GRID2: variants seen among roughly 807,000 people sequenced by gnomAD.
GRID2 encodes glutamate ionotropic receptor delta type subunit 2.
In GRID2, 33 loss-of-function variants were observed where a neutral mutation model predicts 114.8. The observed-to-expected ratio is 0.29, with a 90% confidence interval of 0.22 to 0.38. The LOEUF (loss-of-function observed/expected upper bound fraction) is 0.38. Ranked by LOEUF, GRID2 falls within the 10% of genes least tolerant of loss-of-function variation. The probability of loss-of-function intolerance (pLI) is 1.00; values close to 1 mark genes in which losing one functional copy is unlikely to be tolerated. For synonymous variants in GRID2, 505 were observed against 449.9 expected (o/e 1.12, Z -1.55); for missense variants, 1,184 against 1,257.7 (o/e 0.94, Z 0.89).
intron 13 of GRID2, among the ~76,000 whole-genome samples, chr4:93,607,836 G>C (rs1740414915): frequency 6.6e-6 from 1 of 151,966 alleles, no homozygotes; most frequent in Non-Finnish European, 1.5e-5. Context: ...TGCCTCTTCA[G>C]ATGCCATCTA....
chr4:92,467,357 G>A (rs1191419440), intron 1 of GRID2, among the ~76,000 whole-genome samples: 1 of 151,750 alleles, frequency 6.6e-6, no homozygotes, highest in Non-Finnish European at 1.5e-5. Flanking sequence ...AATTTTCAGA[G>A]GCTTACATTC....
At chr4:93,787,199 A>G (rs1349666065) in intron 1 of GRID2, among the ~76,000 whole-genome samples, 1 of 152,064 alleles carries the variant, frequency 6.6e-6, no homozygotes, top group Non-Finnish European at 1.5e-5. Flanking sequence ...AGTAGTGCAC[A>G]TCACTTCTGC....
chr4:93,042,247 A>ATCTCTC (rs1166899378), intron 2 of GRID2, among the ~76,000 whole-genome samples: 5 of 121,726 alleles, frequency 4.1e-5, no homozygotes, highest in African/African-American at 1.3e-4. Context: ...TATATTTTAA[A>ATCTCTC]TCTCTCTCTC....
In GRID2 at chr4:93,620,995, C is replaced by T. The variant is rs143832184; in HGVS notation, c.2194-5274C>T. Among the ~76,000 whole-genome samples the T allele has an allele frequency of 1.1e-4, 16 of 152,242 alleles. 1 individual carries two copies. The East Asian group carries it at 3.1e-3, about 29-fold the overall frequency. On this transcript the variant is annotated intron_variant, in intron 13 of 15. Coordinates refer to ENST00000282020, the MANE Select transcript of GRID2 (RefSeq NM_001510.4). ...TACCATAATGTGATTCGTGTTACAA[C>T]AATTTTGTACTTGACTTATCTCCAC...
At chr4:93,191,573 T>C (rs1740982196) in intron 4 of GRID2, among the ~76,000 whole-genome samples, 1 of 152,134 alleles carries the variant, frequency 6.6e-6, no homozygotes, top group Non-Finnish European at 1.5e-5. Context: ...AGAGCCATTA[T>C]TACATATCTT....
At chr4:93,550,341 G>A (rs1023807860) in intron 13 of GRID2, among the ~76,000 whole-genome samples, 6 of 152,076 alleles carry the variant, frequency 3.9e-5, no homozygotes, top group African/African-American at 1.4e-4. Context: ...TAATAATCTG[G>A]TAGATCTAAG....
At chr4:92,467,716 C>T (rs987867683) in intron 1 of GRID2, among the ~76,000 whole-genome samples, 3 of 151,706 alleles carry the variant, frequency 2.0e-5, no homozygotes, top group Admixed American at 6.6e-5. Flanking sequence ...GTAACTTGAA[C>T]GAACACTCAA....
At chr4:92,591,474 A>T (rs1728703360) in intron 2 of GRID2, among the ~76,000 whole-genome samples, 1 of 152,204 alleles carries the variant, frequency 6.6e-6, no homozygotes, top group African/African-American at 2.4e-5. Context: ...AATTTAGTCA[A>T]ATAAAACATT....
chr4:93,128,346 T>G (rs941936504), intron 4 of GRID2, among the ~76,000 whole-genome samples: 3 of 152,022 alleles, frequency 2.0e-5, no homozygotes, highest in Non-Finnish European at 4.4e-5. Context: ...GTGCTTATAC[T>G]AGAGAGAGAA....
At chr4:92,372,217 T>C (rs1579255250) in intron 1 of GRID2, among the ~76,000 whole-genome samples, 1 of 152,312 alleles carries the variant, frequency 6.6e-6, no homozygotes, top group East Asian at 1.9e-4. Context: ...TTAATTAACC[T>C]AATTGATAAA....
At chr4:92,877,765 C>A (rs1421333595) in intron 2 of GRID2, among the ~76,000 whole-genome samples, 3 of 152,066 alleles carry the variant, frequency 2.0e-5, no homozygotes, top group African/African-American at 7.2e-5. Flanking sequence ...GGATTTATGC[C>A]ACACCTTTAG....
intron 2 of GRID2, among the ~76,000 whole-genome samples, chr4:92,611,068 G>GTA (rs748452550): frequency 7.4e-5 from 10 of 135,614 alleles, no homozygotes; most frequent in East Asian, 4.8e-4. Flanking sequence ...ATGTGTGTGT[G>GTA]TATATATATA....
At chr4:93,412,400 C>G (rs1469451452) in intron 9 of GRID2, among the ~76,000 whole-genome samples, 1 of 152,046 alleles carries the variant, frequency 6.6e-6, no homozygotes, top group Admixed American at 6.6e-5. Context: ...TATCTTAAAG[C>G]AAAACAAAAC....
chr4:93,094,287 T>A (rs1731019667), intron 3 of GRID2, among the ~76,000 whole-genome samples: 1 of 152,114 alleles, frequency 6.6e-6, no homozygotes. Flanking sequence ...TGCAGTATGT[T>A]TAAAATACTA....
At chr4:93,480,861 G>C (rs1441021869) in intron 11 of GRID2, among the ~76,000 whole-genome samples, 3 of 152,008 alleles carry the variant, frequency 2.0e-5, no homozygotes, top group Non-Finnish European at 2.9e-5. Flanking sequence ...AGGTGACCAA[G>C]TTTCTTGGAA....
intron 13 of GRID2, among the ~76,000 whole-genome samples, chr4:93,592,125 T>A (rs1033928072): frequency 6.6e-6 from 1 of 152,212 alleles, no homozygotes; most frequent in Non-Finnish European, 1.5e-5. Flanking sequence ...CTCTTGCTTT[T>A]CTAGTTCTTT....
chr4:93,484,583 A>G (rs1198624754), intron 11 of GRID2, among the ~76,000 whole-genome samples: 1 of 151,920 alleles, frequency 6.6e-6, no homozygotes, highest in Non-Finnish European at 1.5e-5. Flanking sequence ...AGATTAGATA[A>G]TATTTATGGA....
At chr4:93,087,482 C>T (rs775999897) in intron 3 of GRID2, among the ~76,000 whole-genome samples, 28 of 151,818 alleles carry the variant, frequency 1.8e-4, no homozygotes, top group Non-Finnish European at 3.2e-4. Context: ...ATTTTTATTA[C>T]GGGTGAGATA....
chr4:92,524,368 A>G (rs1273197602), intron 1 of GRID2, among the ~76,000 whole-genome samples: 1 of 150,568 alleles, frequency 6.6e-6, no homozygotes, highest in Non-Finnish European at 1.5e-5. Flanking sequence ...TTAAGGTGTC[A>G]GCAGGCCTAT....
Sources: allele counts gnomAD v4.1 joint callset (sites outside exome capture counted in the v4.1 genomes callset), GRCh38; gene constraint gnomAD v4.1.1; transcripts MANE v1.5; gene names NCBI Gene and HGNC (gene_info 2026-07-23, HGNC 2026-07-21).